Variants in MTHFD2L observed in about 807,000 individuals in gnomAD.
MTHFD2L encodes the protein methylenetetrahydrofolate dehydrogenase (NADP+ dependent) 2 like.
MTHFD2L carries 29 observed loss-of-function variants against 34.9 expected under a neutral mutation model. The ratio of observed to expected loss-of-function variants is 0.83; its 90% CI spans 0.62 to 1.13. The LOEUF is 1.13. MTHFD2L is among the 50% of genes most tolerant of loss of function. MTHFD2L has a pLI of 0.00. For synonymous variants in MTHFD2L, 167 were observed against 155.7 expected, an observed-to-expected ratio of 1.07 and a Z score of -0.54; for missense variants, 481 against 446.5, an observed-to-expected ratio of 1.08 and a Z score of -0.70.
intron 6 of MTHFD2L, among the ~76,000 whole-genome samples, chr4:74,245,677 T>C (rs1027635106): frequency 5.9e-5 from 9 of 152,108 alleles, no homozygotes; most frequent in Non-Finnish European, 1.3e-4. Flanking sequence ...CCTTCCTGTG[T>C]CCATGTGTTC....
In MTHFD2L at chr4:74,248,860, T is replaced by G. The variant is rs1179309907; in HGVS notation, c.805+23466T>G. On this transcript the variant is annotated intron_variant, in intron 6 of 7. Transcript: ENST00000325278. ...GGTCTGAGAGACAGTTTGTTATAAT[T>G]TCTGTTCTTTTACATTTGCTGAGGA... Among the ~76,000 whole-genome samples the G allele has an allele frequency of 6.6e-5, 10 of 151,524 alleles. No individual in the cohort carries two copies. In the East Asian group the frequency reaches 1.7e-3, roughly 26 times the overall value.
chr4:74,115,430 T>A (rs1409780811), intron 2 of MTHFD2L, among the ~76,000 whole-genome samples: 10 of 152,216 alleles, frequency 6.6e-5, no homozygotes, highest in African/African-American at 2.4e-4. Context: ...TATGACAGCC[T>A]CCCAAGTCAT....
At chr4:74,144,060 C>T (rs971977642) in intron 1 of MTHFD2L, among the ~76,000 whole-genome samples, 1 of 152,184 alleles carries the variant, frequency 6.6e-6, no homozygotes, top group Non-Finnish European at 1.5e-5. Flanking sequence ...GTGTATACTG[C>T]TCTGTATCCT....
chr4:74,301,924 A>C lies in MTHFD2L; in HGVS notation c.*115A>C. On this transcript the variant is annotated 3_prime_UTR_variant, in exon 8 of 8. Transcript: ENST00000325278. The stretch of plus-strand genomic sequence containing the variant: ...ATTTCTACATGGTATTTATTTTTTC[A>C]TGGGTGAAATCATTGTGAATCAATT... 1 of 496,702 alleles carries C rather than the reference A, an allele frequency of 2.0e-6. No homozygotes were observed. The highest frequency in any genetic ancestry group is 3.5e-6 in the Non-Finnish European group (1 of 285,928). 30.8% of individuals were successfully genotyped at this position (496,702 alleles called of 1,614,324 possible).
chr4:74,268,621 C>G (rs558468552), intron 6 of MTHFD2L, among the ~76,000 whole-genome samples: 2 of 152,074 alleles, frequency 1.3e-5, no homozygotes, highest in African/African-American at 4.8e-5. Context: ...GTAAATATGG[C>G]GCTTCCTTTT....
At chr4:74,229,597 G>A (rs963971919) in intron 6 of MTHFD2L, among the ~76,000 whole-genome samples, 1 of 152,074 alleles carries the variant, frequency 6.6e-6, no homozygotes, top group African/African-American at 2.4e-5. Context: ...AAGTAAAAGA[G>A]GAAATCCTGT....
chr4:74,176,496 G>T (rs182909011), intron 3 of MTHFD2L, among the ~76,000 whole-genome samples: 1 of 151,820 alleles, frequency 6.6e-6, no homozygotes, highest in Admixed American at 6.6e-5. Context: ...ATCCACTTTT[G>T]TAAAATATCA....
At position 74,175,493 on chromosome 4, in the gene MTHFD2L, T is replaced by C. The variant is rs1005462074; in HGVS notation, c.451+90T>C. On this transcript the variant is annotated intron_variant, in intron 3 of 7. Transcript: ENST00000325278. Reference sequence around the variant, plus strand: ...TCATATTATGATACTGCAAGTAATTTATAAAATACATTCAGAAGGAGACTA... The same window carrying C: ...TCATATTATGATACTGCAAGTAATTCATAAAATACATTCAGAAGGAGACTA... The C allele has an allele frequency of 3.8e-6, 5 of 1,309,036 alleles. No individual in the cohort carries two copies. In the African/African-American group the frequency reaches 7.4e-5, roughly 19 times the overall value. The allele number at this position is 1,309,036 out of a possible 1,614,324, so 81.1% of individuals were successfully genotyped here.
chr4:74,221,184 TCTATCTAA>T (rs1738118625), intron 5 of MTHFD2L, among the ~76,000 whole-genome samples: 3 of 147,846 alleles, frequency 2.0e-5, no homozygotes. Context: ...AAAATTATAG[TCTATCTAA>T]TTATTTACTT....
chr4:74,138,674 G>A (rs72854803), intron 1 of MTHFD2L, among the ~76,000 whole-genome samples: 14,375 of 152,192 alleles, frequency 0.094, 2,116 homozygotes, highest in African/African-American at 0.31. Flanking sequence ...GAGGGTCTGG[G>A]AGGGCAGCAA....
intron 6 of MTHFD2L, among the ~76,000 whole-genome samples, chr4:74,251,586 T>C (rs554151757): frequency 1.3e-5 from 2 of 152,312 alleles, no homozygotes; most frequent in South Asian, 4.1e-4. Context: ...GATGTACTTA[T>C]AGCTCTCAAG....
intron 6 of MTHFD2L, among the ~76,000 whole-genome samples, chr4:74,239,276 A>G (rs1741331583): frequency 6.6e-6 from 1 of 152,140 alleles, no homozygotes; most frequent in Non-Finnish European, 1.5e-5. Context: ...ATAGGTGGGA[A>G]CTGAACAATG....
At chr4:74,200,854 T>G (rs907912766) in intron 4 of MTHFD2L, among the ~76,000 whole-genome samples, 1 of 151,048 alleles carries the variant, frequency 6.6e-6, no homozygotes, top group Admixed American at 6.6e-5. Context: ...TGCATGAGCT[T>G]TGTGAAAAAT....
intron 3 of MTHFD2L, among the ~76,000 whole-genome samples, chr4:74,176,817 T>G (rs1287565905): frequency 6.6e-6 from 1 of 152,000 alleles, no homozygotes; most frequent in African/African-American, 2.4e-5. Context: ...AGCTTTGTAG[T>G]TTTGAGTTCT....
At chr4:74,267,725 A>C in intron 6 of MTHFD2L, 3 of 985,280 alleles carry the variant, frequency 3.0e-6, no homozygotes, top group Non-Finnish European at 3.6e-6. Context: ...GCCCTCAGAG[A>C]ATAAGGTTTG....
At chr4:74,185,178 A>AAAAC (rs1166900290) in intron 3 of MTHFD2L, among the ~76,000 whole-genome samples, 4 of 146,094 alleles carry the variant, frequency 2.7e-5, no homozygotes, top group Non-Finnish European at 4.4e-5. Flanking sequence ...AAAAAAAAAA[A>AAAAC]ATCTGGAAAA....
chr4:74,236,486 A>G (rs941350693), intron 6 of MTHFD2L, among the ~76,000 whole-genome samples: 9 of 152,206 alleles, frequency 5.9e-5, no homozygotes, highest in African/African-American at 1.9e-4. Flanking sequence ...CATCCAGTGT[A>G]TTCTCTATGG....
At chr4:74,215,165 G>A (rs1420418753) in intron 5 of MTHFD2L, among the ~76,000 whole-genome samples, 1 of 151,700 alleles carries the variant, frequency 6.6e-6, no homozygotes, top group Non-Finnish European at 1.5e-5. Flanking sequence ...CGCTGAACTA[G>A]ACCACTTGGC....
At chr4:74,267,417 CTTCT>C (rs1745451044) in intron 6 of MTHFD2L, 2 of 317,106 alleles carry the variant, frequency 6.3e-6, no homozygotes, top group African/African-American at 6.1e-5. Flanking sequence ...TTCTTTCTTT[CTTCT>C]TTCTTTGACA....
Sources: gnomAD v4.1 joint callset for allele counts (sites outside exome capture counted in the v4.1 genomes callset) on GRCh38, gnomAD v4.1.1 for gene constraint, MANE v1.5 for transcripts, NCBI Gene and HGNC (gene_info 2026-07-23, HGNC 2026-07-21) for gene names.